Variants in FAM169A observed in about 807,000 individuals in gnomAD.
FAM169A encodes family with sequence similarity 169 member A, also known as soluble lamin-associated protein of 75 kDa.
FAM169A carries 24 observed loss-of-function variants against 75.7 expected under a neutral mutation model. That is an observed-to-expected ratio of 0.32 (90% confidence interval 0.23 to 0.45). The LOEUF is 0.45. Ranked by LOEUF, FAM169A falls within the 20% of genes least tolerant of loss-of-function variation. The pLI, the probability that FAM169A is intolerant of heterozygous loss-of-function variation, is 1.00. For missense variants in FAM169A, 673 were observed against 784.0 expected, an observed-to-expected ratio of 0.86 and a Z score of 1.69; for synonymous variants, 271 against 271.0, an observed-to-expected ratio of 1.00 and a Z score of 0.00.
chr5:74,852,652 C>T (rs574353157), intron 1 of FAM169A, among the ~76,000 whole-genome samples: 3 of 151,710 alleles, frequency 2.0e-5, no homozygotes, highest in Admixed American at 6.6e-5. Flanking sequence ...GAAAGTACAC[C>T]GAGAACGGCA....
chr5:74,865,088 C>T (rs943032873), intron 1 of FAM169A, among the ~76,000 whole-genome samples: 1 of 152,184 alleles, frequency 6.6e-6, no homozygotes, highest in Non-Finnish European at 1.5e-5. Flanking sequence ...CCAGCACTCC[C>T]GATTGTAATC....
intron 11 of FAM169A, among the ~76,000 whole-genome samples, chr5:74,791,605 T>G (rs1186577578): frequency 6.6e-6 from 1 of 152,170 alleles, no homozygotes; most frequent in Non-Finnish European, 1.5e-5. Context: ...AGTCTACTAC[T>G]CCACAATGGA....
chr5:74,807,645 C>CCAA (rs1208246164), intron 6 of FAM169A, among the ~76,000 whole-genome samples: 1 of 151,924 alleles, frequency 6.6e-6, no homozygotes, highest in Admixed American at 6.6e-5. Context: ...ACCTAAGTGC[C>CCAA]CAACAGTAGG....
At chr5:74,840,839 CA>C (rs547524149) in intron 2 of FAM169A, among the ~76,000 whole-genome samples, 14 of 139,742 alleles carry the variant, frequency 1.0e-4, no homozygotes, top group Admixed American at 1.4e-4. Context: ...AAAAAAAAAA[CA>C]AAAAAAAAAG....
intron 1 of FAM169A, among the ~76,000 whole-genome samples, chr5:74,842,504 AAATTAT>A (rs1748934612): frequency 6.7e-6 from 1 of 148,898 alleles, no homozygotes; most frequent in Non-Finnish European, 1.5e-5. Flanking sequence ...GGTATATTAT[AAATTAT>A]AATTCTCATA....
intron 5 of FAM169A, among the ~76,000 whole-genome samples, chr5:74,832,504 TTCAC>T (rs1748365644): frequency 6.6e-6 from 1 of 151,582 alleles, no homozygotes; most frequent in African/African-American, 2.4e-5. Flanking sequence ...TCACAAGACT[TTCAC>T]TCAACTACAA....
intron 11 of FAM169A, 126 bp from the exon 12 acceptor site, chr5:74,783,260 C>T: frequency 3.1e-6 from 2 of 649,416 alleles, no homozygotes; most frequent in Non-Finnish European, 2.7e-6. Flanking sequence ...CATTATAGGA[C>T]ATGGGTTAAA....
chr5:74,804,328 T>G (rs907368533), intron 8 of FAM169A, among the ~76,000 whole-genome samples, 165 bp downstream of exon 8: 1 of 152,148 alleles, frequency 6.6e-6, no homozygotes, highest in Non-Finnish European at 1.5e-5. Flanking sequence ...AAAATTAAAG[T>G]CCTTAGTAAT....
At chr5:74,833,156 C>T (rs1258946809) in intron 5 of FAM169A, among the ~76,000 whole-genome samples, 1 of 152,134 alleles carries the variant, frequency 6.6e-6, no homozygotes, top group Non-Finnish European at 1.5e-5. Flanking sequence ...AAATGTCTAT[C>T]AGGTAGGAAA....
chr5:74,801,828 T>C (rs576755770), intron 8 of FAM169A, among the ~76,000 whole-genome samples, 199 bp from the exon 9 acceptor site: 1 of 152,348 alleles, frequency 6.6e-6, no homozygotes, highest in African/African-American at 2.4e-5. Flanking sequence ...AGTCATCTAA[T>C]ATGTCATAGT....
intron 4 of FAM169A, among the ~76,000 whole-genome samples, chr5:74,836,920 C>A (rs1470139281): frequency 6.7e-6 from 1 of 149,910 alleles, no homozygotes; most frequent in African/African-American, 2.5e-5. Context: ...TGCACTCCAG[C>A]CTGGGCGTCA....
chr5:74,797,593 C>T (rs1406981116), intron 10 of FAM169A, among the ~76,000 whole-genome samples: 3 of 152,152 alleles, frequency 2.0e-5, no homozygotes, highest in African/African-American at 4.8e-5. Context: ...ACAATAGCCA[C>T]GAGACACACT....
chr5:74,813,155 A>G (rs1747292685), intron 6 of FAM169A, among the ~76,000 whole-genome samples: 1 of 152,182 alleles, frequency 6.6e-6, no homozygotes, highest in Non-Finnish European at 1.5e-5. Flanking sequence ...TGGTTGCTAC[A>G]GGATGAAGGG....
intron 5 of FAM169A, among the ~76,000 whole-genome samples, chr5:74,824,494 T>C (rs531229208): frequency 1.3e-5 from 2 of 152,280 alleles, no homozygotes; most frequent in Non-Finnish European, 2.9e-5. Context: ...CTTTAACAGA[T>C]AGTCCTTATC....
chr5:74,796,296 A>T (rs1336106085), intron 10 of FAM169A, 110 bp from the exon 11 acceptor site: 2 of 964,650 alleles, frequency 2.1e-6, no homozygotes, highest in African/African-American at 3.3e-5. Context: ...GTTGTCAACA[A>T]CTTCAGATTT....
intron 5 of FAM169A, among the ~76,000 whole-genome samples, chr5:74,818,572 C>T: frequency 6.7e-6 from 1 of 149,572 alleles, no homozygotes; most frequent in South Asian, 2.2e-4. Flanking sequence ...CAGACCCCGC[C>T]CCCCCCACCC....
At chr5:74,828,377 C>T (rs1434556776) in intron 5 of FAM169A, among the ~76,000 whole-genome samples, 1 of 152,088 alleles carries the variant, frequency 6.6e-6, no homozygotes, top group African/African-American at 2.4e-5. Flanking sequence ...GACTTCCAGA[C>T]CTTTTTACAA....
At chr5:74,784,998 A>C (rs540726087) in intron 11 of FAM169A, among the ~76,000 whole-genome samples, 1 of 152,004 alleles carries the variant, frequency 6.6e-6, no homozygotes, top group Non-Finnish European at 1.5e-5. Context: ...GGTTACATGA[A>C]GTATGTACAA....
intron 1 of FAM169A, 26 bp downstream of exon 1, chr5:74,866,139 G>C (rs953272030): frequency 3.5e-5 from 34 of 968,768 alleles, no homozygotes; most frequent in Non-Finnish European, 3.9e-5. Flanking sequence ...CCAGCGGTCC[G>C]CGCCGGGGAG....
Sources: allele counts gnomAD v4.1 joint callset (sites outside exome capture counted in the v4.1 genomes callset), GRCh38; gene constraint gnomAD v4.1.1; transcripts MANE v1.5; gene names NCBI Gene and HGNC (gene_info 2026-07-23, HGNC 2026-07-21).